The following FER variants were observed in gnomAD, a reference collection of about 807,000 sequenced individuals.
FER encodes the protein tyrosine-protein kinase Fer.
A neutral mutation model predicts 111.0 loss-of-function variants in FER; 63 were observed. The ratio of observed to expected loss-of-function variants is 0.57; its 90% CI spans 0.46 to 0.70. The LOEUF (loss-of-function observed/expected upper bound fraction) is 0.70, where lower values mean the gene tolerates loss of function less well. FER is among the 30% of genes least tolerant of loss of function. The probability of loss-of-function intolerance (pLI) is 0.00; values close to 1 mark genes in which losing one functional copy is unlikely to be tolerated. For synonymous variants in FER, 327 were observed against 313.9 expected, an observed-to-expected ratio of 1.04 and a Z score of -0.44; for missense variants, 914 against 954.0, an observed-to-expected ratio of 0.96 and a Z score of 0.55.
chr5:108,977,151 A>G (rs78749691), intron 13 of FER, among the ~76,000 whole-genome samples: 3,458 of 152,314 alleles, frequency 0.023, 53 homozygotes, highest in Non-Finnish European at 0.033. Context: ...CAAAATTATT[A>G]CAGTAGTAAT....
At chr5:108,781,997 A>G (rs1754141765) in intron 2 of FER, among the ~76,000 whole-genome samples, 1 of 152,006 alleles carries the variant, frequency 6.6e-6, no homozygotes, top group Non-Finnish European at 1.5e-5. Context: ...TAATAAAAGT[A>G]TGAAGGCTGT....
intron 13 of FER, among the ~76,000 whole-genome samples, chr5:109,030,378 A>G (rs1581720061): frequency 6.6e-6 from 1 of 152,248 alleles, no homozygotes; most frequent in Middle Eastern, 3.4e-3. Context: ...GATGATTTTT[A>G]ATTGTACCCT....
intron 10 of FER, among the ~76,000 whole-genome samples, chr5:108,934,732 TGAGCTGTAAATGTTGC>T (rs1755211659): frequency 6.6e-6 from 1 of 152,154 alleles, no homozygotes; most frequent in Non-Finnish European, 1.5e-5. Context: ...TTGCTACTGC[TGAGCTGTAAATGTTGC>T]TGTACAGTTT....
chr5:109,040,339 C>G (rs929077596), intron 14 of FER, among the ~76,000 whole-genome samples: 2 of 151,874 alleles, frequency 1.3e-5, no homozygotes, highest in African/African-American at 4.8e-5. Flanking sequence ...CTTGCCCACT[C>G]GAACATTAAG....
intron 3 of FER, 81 bp downstream of exon 3, chr5:108,798,470 G>A (rs1756289608): frequency 9.6e-7 from 1 of 1,038,854 alleles, no homozygotes; most frequent in Non-Finnish European, 1.4e-6. Context: ...TATTGAATGA[G>A]CATACTTAAG....
At chr5:109,128,904 T>A (rs1369717073) in intron 17 of FER, among the ~76,000 whole-genome samples, 1 of 152,014 alleles carries the variant, frequency 6.6e-6, no homozygotes, top group Non-Finnish European at 1.5e-5. Context: ...AAAAGAACTT[T>A]CCCATGTATA....
At chr5:108,906,395 C>T (rs1750769700) in intron 10 of FER, among the ~76,000 whole-genome samples, 1 of 151,982 alleles carries the variant, frequency 6.6e-6, no homozygotes, top group African/African-American at 2.4e-5. Context: ...TGTTTGTGAT[C>T]TACTCTTCTC....
intron 13 of FER, among the ~76,000 whole-genome samples, chr5:109,027,353 T>C (rs1768902642): frequency 6.6e-6 from 1 of 152,068 alleles, no homozygotes; most frequent in African/African-American, 2.4e-5. Flanking sequence ...AAAATGAAAA[T>C]GTTGAATTAA....
At chr5:109,026,909 GACCTT>G (rs1190410508) in intron 13 of FER, among the ~76,000 whole-genome samples, 2 of 152,052 alleles carry the variant, frequency 1.3e-5, no homozygotes, top group Admixed American at 1.3e-4. Flanking sequence ...TCAAATTCCT[GACCTT>G]GTGAACTGCC....
intron 16 of FER, among the ~76,000 whole-genome samples, chr5:109,088,061 T>G (rs1352613205): frequency 6.6e-6 from 1 of 151,980 alleles, no homozygotes; most frequent in Non-Finnish European, 1.5e-5. Flanking sequence ...TTGGCCATAG[T>G]AAATCTTTCT....
chr5:108,976,816 G>A (rs927008550), intron 13 of FER, among the ~76,000 whole-genome samples: 1 of 152,104 alleles, frequency 6.6e-6, no homozygotes, highest in African/African-American at 2.4e-5. Flanking sequence ...CTCTGACATG[G>A]TGGGCATCTA....
rs573777933 is a variant in FER at position 108,849,350 on chromosome 5, C to A, written c.481+13543C>A. Reference sequence around the variant, plus strand: ...GCTCTGATAATTTTTTTCCCCTTGTCTTTTTTTTGTTTCATTTTGGTTAGT... The same window carrying A: ...GCTCTGATAATTTTTTTCCCCTTGTATTTTTTTTGTTTCATTTTGGTTAGT... On this transcript the variant is annotated intron_variant, in intron 5 of 19. Transcript: ENST00000281092. Among the ~76,000 whole-genome samples the A allele has an allele frequency of 1.1e-4, 16 of 151,786 alleles. No individual in the cohort carries two copies. The South Asian group carries it at 1.7e-3, about 16-fold the overall frequency.
At chr5:109,116,417 T>TC (rs1561914256) in intron 17 of FER, among the ~76,000 whole-genome samples, 1 of 125,390 alleles carries the variant, frequency 8.0e-6, no homozygotes, top group Admixed American at 8.5e-5. Context: ...GTCAGATTAT[T>TC]CCCCCCGCCA....
intron 1 of FER, among the ~76,000 whole-genome samples, chr5:108,754,974 T>A (rs1750922234): frequency 6.6e-6 from 1 of 152,224 alleles, no homozygotes; most frequent in South Asian, 2.1e-4. Flanking sequence ...ACCTTTGATA[T>A]TTGCAAGTGG....
At chr5:108,887,722 A>G (rs911378243) in intron 9 of FER, among the ~76,000 whole-genome samples, 1 of 151,796 alleles carries the variant, frequency 6.6e-6, no homozygotes, top group Non-Finnish European at 1.5e-5. Context: ...TCAGTCTAGT[A>G]TATATACCTT....
At chr5:108,920,172 A>AT (rs1459083098) in intron 10 of FER, among the ~76,000 whole-genome samples, 2 of 152,108 alleles carry the variant, frequency 1.3e-5, no homozygotes, top group African/African-American at 4.8e-5. Flanking sequence ...AAATTGAGGT[A>AT]TTTTATCACC....
chr5:109,018,152 TAAG>T (rs1315709603), intron 13 of FER, among the ~76,000 whole-genome samples: 5 of 151,696 alleles, frequency 3.3e-5, no homozygotes, highest in African/African-American at 9.7e-5. Context: ...ATTGGAGACA[TAAG>T]AAGGAAAAAA....
intron 5 of FER, among the ~76,000 whole-genome samples, chr5:108,848,882 C>T (rs114325299): frequency 7.4e-4 from 113 of 151,684 alleles, no homozygotes; most frequent in African/African-American, 2.5e-3. Context: ...TATGTATGTC[C>T]GAAAAAATAT....
chr5:108,759,642 C>T (rs954267099), intron 1 of FER, among the ~76,000 whole-genome samples: 2 of 152,206 alleles, frequency 1.3e-5, no homozygotes, highest in East Asian at 3.8e-4. Context: ...TCATGAGGGC[C>T]TTCTTGCTGT....
Sources: gnomAD v4.1 joint callset for allele counts (sites outside exome capture counted in the v4.1 genomes callset) on GRCh38, gnomAD v4.1.1 for gene constraint, MANE v1.5 for transcripts, NCBI Gene and HGNC (gene_info 2026-07-23, HGNC 2026-07-21) for gene names.